Variants in AP1S3 observed in about 807,000 individuals in gnomAD.
AP1S3 encodes AP-1 complex subunit sigma-3.
A neutral mutation model predicts 20.9 loss-of-function variants in AP1S3; 10 were observed. That is an observed-to-expected ratio of 0.48 (90% CI 0.29 to 0.81). The LOEUF is 0.81. Among genes scored for constraint, AP1S3 ranks in the 30% least tolerant of loss-of-function variants. AP1S3 has a pLI of 0.08. For synonymous variants in AP1S3, 41 were observed against 61.5 expected, an observed-to-expected ratio of 0.67 and a Z score of 1.56; for missense variants, 154 against 183.8, an observed-to-expected ratio of 0.84 and a Z score of 0.94.
intron 1 of AP1S3, among the ~76,000 whole-genome samples, chr2:223,795,605 G>A (rs957951165): frequency 5.1e-5 from 5 of 98,732 alleles, no homozygotes; most frequent in Non-Finnish European, 8.1e-5. Context: ...GCCAGGAGGC[G>A]CCAGGAGGCA....
chr2:223,783,920 C>CT lies in AP1S3; in HGVS notation c.4-6052dup, dbSNP rs1691015390. On this transcript the variant is annotated intron_variant, in intron 1 of 4. Transcript: ENST00000396654. The stretch of plus-strand genomic sequence containing the variant: ...CACCTTATTTACAGCAATCTGTGCT[C>CT]TAACACAGGTTCAACCAACCCGACA... Among the ~76,000 whole-genome samples the CT allele has an allele frequency of 2.6e-5, 4 of 152,310 alleles. No individual in the cohort carries two copies. In the South Asian group the frequency reaches 8.3e-4, roughly 32 times the overall value.
intron 1 of AP1S3, among the ~76,000 whole-genome samples, chr2:223,786,593 A>C (rs1160058194): frequency 8.1e-6 from 1 of 123,608 alleles, no homozygotes; most frequent in Non-Finnish European, 1.7e-5. Flanking sequence ...GTGTCTCTAC[A>C]AAAAAAAAGT....
At chr2:223,806,729 G>A (rs1383916359) in intron 1 of AP1S3, among the ~76,000 whole-genome samples, 1 of 152,110 alleles carries the variant, frequency 6.6e-6, no homozygotes, top group Non-Finnish European at 1.5e-5. Flanking sequence ...ATACCTGTGT[G>A]TGTGTGTGTG....
chr2:223,804,396 A>G (rs1362732709), intron 1 of AP1S3, among the ~76,000 whole-genome samples: 2 of 152,160 alleles, frequency 1.3e-5, no homozygotes, highest in East Asian at 3.9e-4. Flanking sequence ...TAATGACAGG[A>G]AGATAGAAAA....
intron 1 of AP1S3, among the ~76,000 whole-genome samples, chr2:223,781,335 A>G (rs1185260118): frequency 6.6e-6 from 1 of 152,162 alleles, no homozygotes; most frequent in Non-Finnish European, 1.5e-5. Context: ...AACCAATTTA[A>G]AAACCCTCCT....
intron 3 of AP1S3, among the ~76,000 whole-genome samples, chr2:223,770,727 A>AT (rs764596538): frequency 0.016 from 1,871 of 115,274 alleles, 145 homozygotes; most frequent in African/African-American, 0.062. Flanking sequence ...AGACCAGTTC[A>AT]TTTTTTTTTT....
At chr2:223,807,598 G>A (rs1691614347) in intron 1 of AP1S3, among the ~76,000 whole-genome samples, 1 of 152,172 alleles carries the variant, frequency 6.6e-6, no homozygotes, top group Admixed American at 6.5e-5. Flanking sequence ...TCATAAATGA[G>A]TTAGCATCAT....
rs1037054346 is a variant in AP1S3 at position 223,817,101 on chromosome 2, GACA to G, written c.3+20344_3+20346del. ...GCTAGTGCCACTGCACTCCAGCCTC[GACA>G]ACAAAGCGAGACAACTCTGTCTCAA... On this transcript the variant is annotated intron_variant, in intron 1 of 4. Transcript: ENST00000396654. Among the ~76,000 whole-genome samples, 17 of 152,132 alleles carry G rather than the reference GACA, an allele frequency of 1.1e-4. No individual in the cohort carries two copies. In the South Asian group the frequency reaches 1.7e-3, roughly 15 times the overall value.
intron 3 of AP1S3, among the ~76,000 whole-genome samples, chr2:223,772,229 T>C (rs1690649595): frequency 6.6e-6 from 1 of 152,224 alleles, no homozygotes; most frequent in Non-Finnish European, 1.5e-5. Flanking sequence ...AGCAGCCCTA[T>C]AAGGTTAGCA....
chr2:223,780,345 A>AGT lies in AP1S3; in HGVS notation c.4-2477_4-2476insAC, dbSNP rs1424927955. On this transcript the variant is annotated intron_variant, in intron 1 of 4. Transcript: ENST00000396654. ...GAGAGAGAGAGAGAGAGAGAGAGAG[A>AGT]GAGAGAGAGAGAGTGTGTGTGTGTG... 2.6e-3 allele frequency among the ~76,000 whole-genome samples: 271 copies of AGT among 105,662 alleles called. 1 individual carries two copies. Among genetic ancestry groups the AGT allele is most frequent in the Non-Finnish European group, 4.0e-3 (213 of 53,170 alleles). The allele number at this position is 105,662 out of a possible 152,430, so 69.3% of individuals were successfully genotyped here. A position where few individuals can be genotyped will look rare whatever the true frequency, so the allele number is the denominator to read the frequency against.
At chr2:223,823,513 TA>T (rs1692044162) in intron 1 of AP1S3, among the ~76,000 whole-genome samples, 1 of 152,112 alleles carries the variant, frequency 6.6e-6, no homozygotes, top group African/African-American at 2.4e-5. Context: ...TGATCACACT[TA>T]AATGTGAAAT....
At chr2:223,774,044 T>C (rs1690701490) in intron 3 of AP1S3, among the ~76,000 whole-genome samples, 1 of 152,194 alleles carries the variant, frequency 6.6e-6, no homozygotes, top group Non-Finnish European at 1.5e-5. Context: ...TCATTTCTTG[T>C]TGCTGGAGAA....
intron 1 of AP1S3, among the ~76,000 whole-genome samples, chr2:223,795,137 T>C (rs1691306313): frequency 1.3e-5 from 2 of 152,198 alleles, no homozygotes; most frequent in South Asian, 4.1e-4. Context: ...TAATCCCAGC[T>C]ACTCAGGAGG....
chr2:223,781,951 A>C (rs1690957344), intron 1 of AP1S3, among the ~76,000 whole-genome samples: 1 of 151,946 alleles, frequency 6.6e-6, no homozygotes, highest in South Asian at 2.1e-4. Context: ...TAAAAAGAGA[A>C]TGTATCAAGT....
At chr2:223,781,662 T>C (rs1207105202) in intron 1 of AP1S3, among the ~76,000 whole-genome samples, 2 of 152,124 alleles carry the variant, frequency 1.3e-5, no homozygotes, top group African/African-American at 4.8e-5. Context: ...GTATTTTTGC[T>C]TCCAAGAAGA....
intron 1 of AP1S3, among the ~76,000 whole-genome samples, chr2:223,820,542 T>C (rs1315612527): frequency 7.3e-6 from 1 of 136,850 alleles, no homozygotes; most frequent in East Asian, 1.9e-4. Context: ...ATACTATCCC[T>C]ATCATCCAAA....
rs79792911 is a variant in AP1S3, at chr2:223,779,074, T to C, written c.4-1205A>G. On this transcript the variant is annotated intron_variant, in intron 1 of 4. Coordinates refer to ENST00000396654, the MANE Select transcript of AP1S3 (RefSeq NM_001039569.2). ...TAGAATCAACCATCTCAAGTTACAA[T>C]TGTCTTTGGCATCACCATAGACTCT... is the stretch of plus-strand genomic sequence containing the variant. Among the ~76,000 whole-genome samples the C allele has an allele frequency of 3.0e-3, 452 of 152,330 alleles. 12 individuals carry two copies. In the East Asian group the frequency reaches 0.066, roughly 22 times the overall value.
rs1257583159 is a variant in AP1S3, at chr2:223,785,053, T to C, written c.4-7184A>G. On this transcript the variant is annotated intron_variant, in intron 1 of 4. Coordinates refer to ENST00000396654, the MANE Select transcript of AP1S3 (RefSeq NM_001039569.2). ...AGAATGCTTATGATACAATGTTGTT[T>C]AAAAAAGATGGCCAGGTGCGCTTAG... is the stretch of plus-strand genomic sequence containing the variant. Among the ~76,000 whole-genome samples, 38 of 152,026 alleles carry C rather than the reference T, an allele frequency of 2.5e-4. 1 individual carries two copies. The highest frequency in any genetic ancestry group is 2.4e-3 in the Admixed American group (37 of 15,246).
chr2:223,792,497 T>C (rs1484173900), intron 1 of AP1S3, among the ~76,000 whole-genome samples: 1 of 152,210 alleles, frequency 6.6e-6, no homozygotes, highest in African/African-American at 2.4e-5. Flanking sequence ...ATTTAATAAA[T>C]GGTGCTGGGA....
Sources: gnomAD v4.1 joint callset for allele counts (sites outside exome capture counted in the v4.1 genomes callset) on GRCh38, gnomAD v4.1.1 for gene constraint, MANE v1.5 for transcripts, NCBI Gene and HGNC (gene_info 2026-07-23, HGNC 2026-07-21) for gene names.